Variants in PLXDC2 observed in about 807,000 individuals in gnomAD.
The protein encoded by PLXDC2 is plexin domain-containing protein 2.
Under a neutral mutation model 68.9 loss-of-function variants are expected in PLXDC2, and 40 were observed. That is an observed-to-expected ratio of 0.58 (90% CI 0.45 to 0.76). PLXDC2 has a LOEUF of 0.76. Among genes scored for constraint, PLXDC2 ranks in the 30% least tolerant of loss-of-function variants. The probability of loss-of-function intolerance (pLI) is 0.00; values close to 1 mark genes in which losing one functional copy is unlikely to be tolerated. For missense variants in PLXDC2, 644 were observed against 661.9 expected (o/e 0.97, Z 0.30); for synonymous variants, 243 against 234.2 (o/e 1.04, Z -0.34).
chr10:20,261,249 T>C lies in PLXDC2; in HGVS notation c.1473+15744T>C, dbSNP rs546815360. On this transcript the variant is annotated intron_variant, in intron 13 of 13. Coordinates refer to ENST00000377252, the MANE Select transcript of PLXDC2 (RefSeq NM_032812.9). ...GTTGCCTGAAGTTTCAGTGTGATAT[T>C]CAAAAAATTATTTCATGGCCTATAT... Among the ~76,000 whole-genome samples the C allele has an allele frequency of 5.8e-4, 88 of 152,322 alleles. 1 individual carries two copies. The South Asian group carries it at 0.014, about 24-fold the overall frequency.
chr10:20,154,968 C>T (rs1040918339), intron 6 of PLXDC2, among the ~76,000 whole-genome samples: 2 of 151,978 alleles, frequency 1.3e-5, no homozygotes, highest in African/African-American at 4.8e-5. Flanking sequence ...AATACTTTAC[C>T]ATTTCCTTCA....
chr10:19,910,189 T>C (rs1054026474), intron 1 of PLXDC2, among the ~76,000 whole-genome samples: 11 of 150,876 alleles, frequency 7.3e-5, no homozygotes, highest in Non-Finnish European at 1.3e-4. Context: ...TATATATATA[T>C]ATATATGTCT....
chr10:19,913,442 G>T (rs1412602325), intron 1 of PLXDC2, among the ~76,000 whole-genome samples: 1 of 152,028 alleles, frequency 6.6e-6, no homozygotes, highest in Non-Finnish European at 1.5e-5. Flanking sequence ...CCAGTATTAG[G>T]TATTTTTTAT....
At chr10:20,064,224 CTT>C (rs368874136) in intron 3 of PLXDC2, among the ~76,000 whole-genome samples, 16 of 138,682 alleles carry the variant, frequency 1.2e-4, no homozygotes, top group African/African-American at 8.0e-5. Flanking sequence ...CATTTCTTTT[CTT>C]TTTTTTTTTT....
chr10:20,111,932 A>G (rs764875543), intron 4 of PLXDC2, among the ~76,000 whole-genome samples: 43 of 152,302 alleles, frequency 2.8e-4, no homozygotes, highest in Admixed American at 9.1e-4. Context: ...TGAAGATGAG[A>G]CTTTGGAGAG....
rs748782084 is a variant in PLXDC2 at position 20,001,976 on chromosome 10, C to T, written c.314C>T (p.Thr105Ile). The change falls in exon 2 of 14, where the codon ACT becomes ATT. Residue 105 changes from threonine to isoleucine, a missense_variant. Physicochemically the swap from Thr to Ile is moderately conservative, Grantham distance 89. Coordinates refer to ENST00000377252, the MANE Select transcript of PLXDC2 (RefSeq NM_032812.9). ...CTGGATGATGGGCAGGACAATAACACTCAGATCGAGGTAGATAAATAGTCT... is the reference window on the plus strand; with the variant it reads ...CTGGATGATGGGCAGGACAATAACATTCAGATCGAGGTAGATAAATAGTCT... ...LLLDDGQDNN[T>I]QIEEDTDHNY... 6.8e-6 allele frequency: 11 copies of T among 1,611,766 alleles called. No individual in the cohort carries two copies. Among genetic ancestry groups the T allele is most frequent in the East Asian group, 2.2e-5 (1 of 44,870 alleles).
At chr10:20,204,229 G>C (rs539228663) in intron 9 of PLXDC2, among the ~76,000 whole-genome samples, 32 of 152,046 alleles carry the variant, frequency 2.1e-4, no homozygotes, top group Non-Finnish European at 4.3e-4. Context: ...TTTGAAATAA[G>C]GATAATTATA....
At chr10:19,825,989 TTTCTC>T (rs1836562106) in intron 1 of PLXDC2, among the ~76,000 whole-genome samples, 1 of 152,206 alleles carries the variant, frequency 6.6e-6, no homozygotes, top group African/African-American at 2.4e-5. Context: ...TTTGCTATCT[TTTCTC>T]TTCAATTCAT....
chr10:20,113,096 C>G (rs11011806), intron 4 of PLXDC2, among the ~76,000 whole-genome samples: 5,148 of 152,226 alleles, frequency 0.034, 296 homozygotes, highest in African/African-American at 0.12. Flanking sequence ...GAATACTGAT[C>G]AGAGGAATCG....
chr10:19,967,951 G>C (rs185636704), intron 1 of PLXDC2, among the ~76,000 whole-genome samples: 240 of 152,274 alleles, frequency 1.6e-3, no homozygotes, highest in Non-Finnish European at 3.2e-3. Flanking sequence ...ATGAAGAAAA[G>C]GGAACAAATA....
chr10:19,817,985 C>T (rs528224507), intron 1 of PLXDC2, among the ~76,000 whole-genome samples: 1 of 152,282 alleles, frequency 6.6e-6, no homozygotes, highest in South Asian at 2.1e-4. Flanking sequence ...TATCGCCGAG[C>T]GGGAGCTGCC....
chr10:19,933,170 C>A (rs536815162), intron 1 of PLXDC2, among the ~76,000 whole-genome samples: 2 of 151,920 alleles, frequency 1.3e-5, no homozygotes, highest in Non-Finnish European at 2.9e-5. Flanking sequence ...AGCAAAGGTT[C>A]TACGTCAGCA....
intron 1 of PLXDC2, among the ~76,000 whole-genome samples, chr10:19,871,882 CA>C (rs66537453): frequency 0.49 from 59,578 of 121,892 alleles, 12,452 homozygotes; most frequent in East Asian, 0.58. Flanking sequence ...GTGAAACTGT[CA>C]AAAAAAAAAA....
intron 9 of PLXDC2, among the ~76,000 whole-genome samples, chr10:20,191,154 A>T (rs372537402): frequency 6.6e-6 from 1 of 152,042 alleles, no homozygotes; most frequent in South Asian, 2.1e-4. Context: ...TAGGCAAAAC[A>T]AAGGTAAAGA....
intron 1 of PLXDC2, among the ~76,000 whole-genome samples, chr10:19,902,944 AT>A (rs1251117749): frequency 2.6e-5 from 4 of 151,824 alleles, no homozygotes; most frequent in South Asian, 2.1e-4. Flanking sequence ...TGATCACATC[AT>A]TTTTAATTCT....
intron 12 of PLXDC2, among the ~76,000 whole-genome samples, chr10:20,228,950 C>T (rs1835324019): frequency 6.6e-6 from 1 of 152,108 alleles, no homozygotes. Flanking sequence ...TAACAGTCCA[C>T]CATTGTACAA....
Position 20,160,570 on chromosome 10 carries a change from G to A in PLXDC2, c.784-3898G>A, listed in dbSNP as rs577738769. 3.3e-5 allele frequency among the ~76,000 whole-genome samples: 5 copies of A among 152,170 alleles called. No individual in the cohort carries two copies. The East Asian group carries it at 7.7e-4, about 24-fold the overall frequency. On this transcript the variant is annotated intron_variant, in intron 6 of 13. Coordinates refer to ENST00000377252, the MANE Select transcript of PLXDC2 (RefSeq NM_032812.9). ...TTATAGTGATCTTCCTAGAGGGTTGGTCAGTTATATATCAGATAATTTTCA... is the reference window on the plus strand; with the variant it reads ...TTATAGTGATCTTCCTAGAGGGTTGATCAGTTATATATCAGATAATTTTCA...
At chr10:19,953,494 C>G (rs1345473610) in intron 1 of PLXDC2, among the ~76,000 whole-genome samples, 1 of 152,118 alleles carries the variant, frequency 6.6e-6, no homozygotes, top group African/African-American at 2.4e-5. Context: ...CGGGGTAACA[C>G]CTTTTTGTTT....
At chr10:20,121,689 G>C (rs894123639) in intron 4 of PLXDC2, among the ~76,000 whole-genome samples, 1 of 152,136 alleles carries the variant, frequency 6.6e-6, no homozygotes, top group African/African-American at 2.4e-5. Flanking sequence ...GAGGTATTGA[G>C]GATAGGAGAG....
Sources: gnomAD v4.1 joint callset for allele counts (sites outside exome capture counted in the v4.1 genomes callset) on GRCh38, gnomAD v4.1.1 for gene constraint, MANE v1.5 for transcripts, NCBI Gene and HGNC (gene_info 2026-07-23, HGNC 2026-07-21) for gene names.